Variants in SNCAIP observed in about 807,000 individuals in gnomAD.
SNCAIP encodes the protein synphilin-1.
Under a neutral mutation model 86.7 loss-of-function variants are expected in SNCAIP, and 43 were observed. That is an observed-to-expected ratio of 0.50 (90% CI 0.39 to 0.64). SNCAIP has a LOEUF of 0.64. SNCAIP is among the 30% of genes least tolerant of loss of function. SNCAIP has a pLI of 0.00. For synonymous variants in SNCAIP, 417 were observed against 427.2 expected (o/e 0.98, Z 0.29); for missense variants, 981 against 1,103.1 (o/e 0.89, Z 1.57).
At chr5:122,377,475 G>A (rs1765572596) in intron 1 of SNCAIP, among the ~76,000 whole-genome samples, 1 of 148,360 alleles carries the variant, frequency 6.7e-6, no homozygotes, top group African/African-American at 2.5e-5. Flanking sequence ...ACACAAGAAA[G>A]GGGTGAGAGG....
At chr5:122,385,673 ATGTGTGTGTGTGTGTGTGTGTGTGTGTG>A (rs371793989) in intron 1 of SNCAIP, among the ~76,000 whole-genome samples, 1 of 138,356 alleles carries the variant, frequency 7.2e-6, no homozygotes, top group South Asian at 2.3e-4. Flanking sequence ...GTGCGCACGT[ATGTGTGTGTGTGTGTGTGTGTGTGTGTG>A]TGTGTGTGTG....
At chr5:122,442,613 G>T (rs1781301142) in intron 7 of SNCAIP, among the ~76,000 whole-genome samples, 1 of 152,170 alleles carries the variant, frequency 6.6e-6, no homozygotes, top group African/African-American at 2.4e-5. Context: ...AAGGAAATAT[G>T]ATTGAATAAA....
chr5:122,442,921 G>A (rs1052545056), intron 7 of SNCAIP, among the ~76,000 whole-genome samples: 2 of 150,862 alleles, frequency 1.3e-5, no homozygotes, highest in East Asian at 3.9e-4. Flanking sequence ...GAAAAAAAAA[G>A]ATAAGAGACC....
intron 1 of SNCAIP, among the ~76,000 whole-genome samples, chr5:122,355,830 T>C (rs562374090): frequency 2.2e-4 from 33 of 152,264 alleles, no homozygotes; most frequent in African/African-American, 7.9e-4. Flanking sequence ...GTGAAGCCCC[T>C]GTTGGGCTTT....
Position 122,423,075 on chromosome 5 carries a change from T to G in SNCAIP, c.338T>G (p.Leu113Arg), listed in dbSNP as rs765510185. ...TACCAGAAAGGGGGTGAGTCTGACC[T>G]GGGCCCCCAGCCTCAGGAGCTTGGC... is the stretch of plus-strand genomic sequence containing the variant. ...VEYQKGGESD[L>R]GPQPQELGPG... Residue 113 changes from leucine (L) to arginine (R), a missense_variant, in exon 4 of 11, where the codon CTG (leucine) becomes CGG (arginine). Coordinates refer to ENST00000261368, the MANE Select transcript of SNCAIP (RefSeq NM_005460.4). The G allele has an allele frequency of 1.9e-6, 3 of 1,613,996 alleles. No individual in the cohort carries two copies. The African/African-American group carries it at 4.0e-5, about 22-fold the overall frequency.
chr5:122,405,349 A>G (rs1772745360), intron 3 of SNCAIP, among the ~76,000 whole-genome samples: 1 of 152,174 alleles, frequency 6.6e-6, no homozygotes, highest in Non-Finnish European at 1.5e-5. Context: ...TTTTTTCTTT[A>G]ATTGGATGTA....
intron 2 of SNCAIP, among the ~76,000 whole-genome samples, chr5:122,394,933 A>G (rs1770269998): frequency 6.6e-6 from 1 of 152,122 alleles, no homozygotes; most frequent in South Asian, 2.1e-4. Flanking sequence ...AGGCTTAGAG[A>G]GCTTGTCTGA....
chr5:122,340,655 G>A (rs13360842), intron 1 of SNCAIP, among the ~76,000 whole-genome samples: 5 of 152,128 alleles, frequency 3.3e-5, no homozygotes, highest in African/African-American at 1.2e-4. Context: ...GAAGTAATCA[G>A]CATTGACATT....
intron 10 of SNCAIP, among the ~76,000 whole-genome samples, chr5:122,455,624 C>T (rs897867599): frequency 2.0e-5 from 3 of 152,052 alleles, no homozygotes; most frequent in East Asian, 1.9e-4. Flanking sequence ...CGATGGATCC[C>T]GGTTCCAGGA....
At chr5:122,459,209 A>C (rs1427699958) in intron 10 of SNCAIP, among the ~76,000 whole-genome samples, 2 of 152,206 alleles carry the variant, frequency 1.3e-5, no homozygotes, top group Admixed American at 1.3e-4. Context: ...GGGAGATCAC[A>C]GAAAATAGCA....
intron 1 of SNCAIP, among the ~76,000 whole-genome samples, chr5:122,363,106 C>T (rs1762506590): frequency 6.6e-6 from 1 of 150,542 alleles, no homozygotes; most frequent in Non-Finnish European, 1.5e-5. Flanking sequence ...AAGCGATTCT[C>T]TTGCCTCAGT....
chr5:122,462,668 C>T (rs568476264), intron 10 of SNCAIP, among the ~76,000 whole-genome samples: 4 of 152,190 alleles, frequency 2.6e-5, no homozygotes, highest in South Asian at 2.1e-4. Flanking sequence ...TTTTGAGACT[C>T]TGGAGCCATG....
At chr5:122,355,824 A>G (rs1760885841) in intron 1 of SNCAIP, among the ~76,000 whole-genome samples, 1 of 152,136 alleles carries the variant, frequency 6.6e-6, no homozygotes, top group African/African-American at 2.4e-5. Context: ...GTATCTGTGA[A>G]GCCCCTGTTG....
intron 2 of SNCAIP, among the ~76,000 whole-genome samples, chr5:122,398,229 C>G (rs1200246611): frequency 3.3e-5 from 5 of 152,052 alleles, no homozygotes; most frequent in African/African-American, 1.2e-4. Context: ...AAAGCCAACG[C>G]TGAGAGTGGG....
At chr5:122,462,179 C>T (rs1437032385) in intron 10 of SNCAIP, among the ~76,000 whole-genome samples, 1 of 152,084 alleles carries the variant, frequency 6.6e-6, no homozygotes, top group Non-Finnish European at 1.5e-5. Flanking sequence ...TTCAGAAGTA[C>T]ACGGTGCTTC....
At chr5:122,419,476 T>C (rs1012759179) in intron 3 of SNCAIP, among the ~76,000 whole-genome samples, 4 of 152,204 alleles carry the variant, frequency 2.6e-5, no homozygotes, top group African/African-American at 9.7e-5. Flanking sequence ...TGTGGTGTAA[T>C]CAGATAGGCA....
intron 1 of SNCAIP, among the ~76,000 whole-genome samples, chr5:122,314,897 C>T (rs1390630524): frequency 6.6e-6 from 1 of 152,096 alleles, no homozygotes; most frequent in East Asian, 1.9e-4. Context: ...AATTTAAAAT[C>T]CATAGTCTTT....
chr5:122,443,941 A>G, intron 7 of SNCAIP: 1 of 390,832 alleles, frequency 2.6e-6, no homozygotes, highest in South Asian at 1.9e-5. Flanking sequence ...CCCTCTCCTC[A>G]TTAAAGAGGT....
intron 1 of SNCAIP, among the ~76,000 whole-genome samples, chr5:122,387,559 C>A (rs1026894331): frequency 6.6e-6 from 1 of 152,194 alleles, no homozygotes; most frequent in Non-Finnish European, 1.5e-5. Context: ...GGCTCTCTTG[C>A]CTCCCAGCTG....
Sources: allele counts gnomAD v4.1 joint callset (sites outside exome capture counted in the v4.1 genomes callset), GRCh38; gene constraint gnomAD v4.1.1; transcripts MANE v1.5; gene names NCBI Gene and HGNC (gene_info 2026-07-23, HGNC 2026-07-21).